Variants in PNO1 observed in about 807,000 individuals in gnomAD.
The protein encoded by PNO1 is partner of NOB1 homolog.
A neutral mutation model predicts 28.4 loss-of-function variants in PNO1; 16 were observed. The ratio of observed to expected loss-of-function variants is 0.56; its 90% CI spans 0.38 to 0.85. PNO1 has a LOEUF of 0.85. Among genes scored for constraint, PNO1 ranks in the 40% least tolerant of loss-of-function variants. The pLI is 0.00. For synonymous variants in PNO1, 115 were observed against 110.8 expected (o/e 1.04, Z -0.24); for missense variants, 304 against 312.2 (o/e 0.97, Z 0.20).
intron 6 of PNO1, among the ~76,000 whole-genome samples, chr2:68,173,970 T>C (rs961239791): frequency 4.6e-5 from 7 of 152,240 alleles, no homozygotes; most frequent in Non-Finnish European, 1.0e-4. Flanking sequence ...CTTTGCTGCC[T>C]TCTTGATAAG....
intron 2 of PNO1, among the ~76,000 whole-genome samples, chr2:68,159,486 G>A (rs890188682): frequency 2.0e-5 from 3 of 151,846 alleles, no homozygotes; most frequent in Non-Finnish European, 4.4e-5. Flanking sequence ...GATTACAGGC[G>A]TGAGCTGCCC....
rs1553401401 is a variant in PNO1 at position 68,165,377 on chromosome 2, A to AAAAAC, written c.620+2716_620+2717insAACAA. Among the ~76,000 whole-genome samples, 111 of 61,796 alleles carry AAAAAC rather than the reference A, an allele frequency of 1.8e-3. 8 individuals carry two copies. The highest frequency in any genetic ancestry group is 3.0e-3 in the African/African-American group (51 of 16,944). 40.5% of individuals were successfully genotyped at this position (61,796 alleles called of 152,430 possible). A position where few individuals can be genotyped will look rare whatever the true frequency, so the allele number is the denominator to read the frequency against. ...AGACTCCGTCTCAAAAAAAAAAAAA[A>AAAAAC]AACAACAAAAAAAAAAAAACTAGCT... On this transcript the variant is annotated intron_variant, in intron 5 of 6. Coordinates refer to ENST00000263657, the MANE Select transcript of PNO1 (RefSeq NM_020143.4).
chr2:68,163,540 AATAC>A (rs543846420), intron 5 of PNO1, among the ~76,000 whole-genome samples: 251 of 136,140 alleles, frequency 1.8e-3, no homozygotes, highest in South Asian at 6.5e-3. Context: ...CAAATAAATA[AATAC>A]ATACATACAT....
At position 68,166,752 on chromosome 2, in the gene PNO1, CCTT is replaced by C. The variant is rs1558620510; in HGVS notation, c.620+4092_620+4094del. ...CAAAAGCATCTTGAATAATCAGAAA[CCTT>C]CTGCCAAATTGTCTAATGTCACCTT... On this transcript the variant is annotated intron_variant, in intron 5 of 6. Transcript: ENST00000263657. Among the ~76,000 whole-genome samples, 8 of 152,330 alleles carry C rather than the reference CCTT, an allele frequency of 5.3e-5. No homozygotes were observed. The South Asian group carries it at 1.5e-3, about 28-fold the overall frequency.
intron 5 of PNO1, among the ~76,000 whole-genome samples, chr2:68,171,695 C>T (rs1318778039): frequency 6.6e-6 from 1 of 151,978 alleles, no homozygotes; most frequent in East Asian, 1.9e-4. Flanking sequence ...GAGGCTTGAC[C>T]AAGGATGAAA....
intron 5 of PNO1, among the ~76,000 whole-genome samples, chr2:68,162,967 G>C (rs1010303299): frequency 3.3e-5 from 5 of 152,128 alleles, no homozygotes; most frequent in African/African-American, 9.7e-5. Context: ...GTTGAATATT[G>C]AATACTGTAC....
chr2:68,173,196 T>C (rs988445986), intron 5 of PNO1, 151 bp from the exon 6 acceptor site: 5 of 553,806 alleles, frequency 9.0e-6, no homozygotes, highest in East Asian at 6.2e-5. Flanking sequence ...TTGAATTTTT[T>C]TGTAGAGATG....
intron 2 of PNO1, among the ~76,000 whole-genome samples, chr2:68,159,560 T>G (rs1673776696): frequency 6.6e-6 from 1 of 152,200 alleles, no homozygotes; most frequent in African/African-American, 2.4e-5. Context: ...CATTTAAATT[T>G]ACTTTGGGCT....
At chr2:68,167,133 G>A (rs1674015730) in intron 5 of PNO1, among the ~76,000 whole-genome samples, 1 of 152,190 alleles carries the variant, frequency 6.6e-6, no homozygotes, top group South Asian at 2.1e-4. Context: ...CTTTTATGAT[G>A]TTCTTTCCAT....
At chr2:68,172,523 T>C (rs1674157924) in intron 5 of PNO1, among the ~76,000 whole-genome samples, 1 of 152,140 alleles carries the variant, frequency 6.6e-6, no homozygotes, top group Admixed American at 6.5e-5. Context: ...AAAGGCAAAA[T>C]TGTATCTTGT....
chr2:68,157,914 A>G lies in PNO1; in HGVS notation c.-21A>G, dbSNP rs766531747. The G allele has an allele frequency of 1.2e-6, 2 of 1,609,568 alleles. No individual in the cohort carries two copies. The highest frequency in any genetic ancestry group is 2.2e-5 in the South Asian group (2 of 90,982). On this transcript the variant is annotated 5_prime_UTR_variant, in exon 1 of 7. Transcript: ENST00000263657. ...CAGCTGCGCACGTGTTTCAGCCGGC[A>G]GCGCTTTAAGATTTCCGGGGATGGA... is the stretch of plus-strand genomic sequence containing the variant.
chr2:68,174,759 G>C lies in PNO1; in HGVS notation c.716G>C (p.Gly239Ala), dbSNP rs758816343. 6.2e-7 allele frequency: 1 copy of C among 1,609,046 alleles called. No homozygotes were observed. The highest frequency in any genetic ancestry group is 8.5e-7 in the Non-Finnish European group (1 of 1,176,076). ...GGAAATCCTCCTTCCAAGGTTTATG[G>C]CAATATTCGAGCTGTGGCTAGCAGA... is the stretch of plus-strand genomic sequence containing the variant. ...ILGNPPSKVYGNIRAVASRSA... is the reference protein window; with the variant it reads ...ILGNPPSKVYANIRAVASRSA... The change falls in exon 7 of 7, where the codon GGC becomes GCC. Residue 239 changes from glycine (G) to alanine (A), a missense_variant. Physicochemically the swap from Gly to Ala is moderately conservative, Grantham distance 60. Coordinates refer to ENST00000263657, the MANE Select transcript of PNO1 (RefSeq NM_020143.4).
chr2:68,171,052 G>A (rs983827400), intron 5 of PNO1, among the ~76,000 whole-genome samples: 6 of 151,990 alleles, frequency 3.9e-5, no homozygotes, highest in South Asian at 2.1e-4. Context: ...TGTTAGATTC[G>A]TGTTCAGTAT....
chr2:68,161,685 T>C lies in PNO1; in HGVS notation c.360T>C (p.Thr120=). Residue 120 remains threonine, a splice_region_variant and synonymous_variant, in exon 3 of 7, where the codon ACT becomes ACC. Transcript: ENST00000263657. ...TACCCTTTTTTGTTTTTTAACAGAC[T>C]TGTAAAGAAACCAAGGATGTTAGTG... ...NLKSRNVEIR[T]CKETKDVSAL... 6.2e-7 allele frequency: 1 copy of C among 1,603,876 alleles called. No individual in the cohort carries two copies. Among genetic ancestry groups the C allele is most frequent in the Non-Finnish European group, 8.5e-7 (1 of 1,171,274 alleles).
At chr2:68,173,576 A>AT (rs34874863) in intron 6 of PNO1, among the ~76,000 whole-genome samples, 159 bp downstream of exon 6, 45,715 of 111,272 alleles carry the variant, frequency 0.41, 10,068 homozygotes, top group South Asian at 0.58. Context: ...AGGAAGTAGA[A>AT]TTTTTTTTTT....
At chr2:68,174,252 T>C (rs1674209976) in intron 6 of PNO1, among the ~76,000 whole-genome samples, 1 of 151,480 alleles carries the variant, frequency 6.6e-6, no homozygotes, top group Non-Finnish European at 1.5e-5. Context: ...GTTTAAAATA[T>C]TTTTTGGAGA....
chr2:68,159,964 A>ATTTT (rs1206527655), intron 2 of PNO1, among the ~76,000 whole-genome samples: 15 of 116,920 alleles, frequency 1.3e-4, no homozygotes, highest in African/African-American at 2.8e-4. Context: ...ACAAAAAAAA[A>ATTTT]TTTTTTTTTT....
intron 2 of PNO1, among the ~76,000 whole-genome samples, chr2:68,158,986 A>G (rs1037860715): frequency 6.6e-6 from 1 of 152,192 alleles, no homozygotes; most frequent in African/African-American, 2.4e-5. Context: ...TGGTATGTGT[A>G]TATTTGTTTA....
At chr2:68,159,282 A>G (rs981978359) in intron 2 of PNO1, among the ~76,000 whole-genome samples, 113 of 151,598 alleles carry the variant, frequency 7.5e-4, no homozygotes, top group African/African-American at 2.7e-3. Flanking sequence ...GTGTGTGTAT[A>G]TATATCTTTT....
Sources: allele counts gnomAD v4.1 joint callset (sites outside exome capture counted in the v4.1 genomes callset), GRCh38; gene constraint gnomAD v4.1.1; transcripts MANE v1.5; gene names NCBI Gene and HGNC (gene_info 2026-07-23, HGNC 2026-07-21).